CLTCL1: variants seen among roughly 807,000 people sequenced by gnomAD.
CLTCL1 encodes the protein clathrin heavy chain 2.
CLTCL1 carries 159 observed loss-of-function variants against 190.0 expected under a neutral mutation model. That is an observed-to-expected ratio of 0.84 (90% CI 0.74 to 0.95). The LOEUF (loss-of-function observed/expected upper bound fraction) is 0.95, where lower values mean the gene tolerates loss of function less well. Among genes scored for constraint, CLTCL1 ranks in the 40% least tolerant of loss-of-function variants. The probability of loss-of-function intolerance (pLI) is 0.00; values close to 1 mark genes in which losing one functional copy is unlikely to be tolerated. For synonymous variants in CLTCL1, 752 were observed against 769.6 expected, an observed-to-expected ratio of 0.98 and a Z score of 0.38; for missense variants, 1,878 against 2,033.4, an observed-to-expected ratio of 0.92 and a Z score of 1.47.
chr22:19,270,749 T>C (rs1161661864), intron 2 of CLTCL1, among the ~76,000 whole-genome samples: 4 of 128,794 alleles, frequency 3.1e-5, no homozygotes, highest in African/African-American at 1.2e-4. Context: ...AAAAAAAGAA[T>C]AAGTGAATGT....
In CLTCL1 at chr22:19,208,177, G is replaced by A. The variant is rs782698674; in HGVS notation, c.3577C>T (p.Pro1193Ser). 4 of 1,613,832 alleles carry A rather than the reference G, an allele frequency of 2.5e-6. No homozygotes were observed. The highest frequency in any genetic ancestry group is 1.1e-5 in the South Asian group (1 of 91,068). ...VSELEDFING[P>S]NNAHIQQVGD... Reference sequence around the variant, plus strand: ...ACCTGCTGGATGTGGGCATTGTTGGGTCCATTAATAAAATCTTCTAGCTCA... The same window carrying A: ...ACCTGCTGGATGTGGGCATTGTTGGATCCATTAATAAAATCTTCTAGCTCA... The change falls in exon 22 of 33, where the codon CCC (proline) becomes TCC (serine). Residue 1193 changes from proline to serine, a missense_variant. By Grantham distance (74) the Pro-to-Ser change is moderately conservative. Transcript: ENST00000427926.
At chr22:19,205,104 C>T (rs569708348) in intron 22 of CLTCL1, among the ~76,000 whole-genome samples, 167 of 144,552 alleles carry the variant, frequency 1.2e-3, no homozygotes, top group African/African-American at 4.1e-3. Flanking sequence ...AAAAAAAAAA[C>T]TTTGCAAACA....
intron 3 of CLTCL1, among the ~76,000 whole-genome samples, chr22:19,248,815 A>T (rs912163078): frequency 6.6e-6 from 1 of 152,122 alleles, no homozygotes; most frequent in African/African-American, 2.4e-5. Flanking sequence ...CCTCCCTCCC[A>T]AAGTGCTGGG....
At chr22:19,186,940 A>G (rs1555928592) in intron 29 of CLTCL1, among the ~76,000 whole-genome samples, 1 of 99,478 alleles carries the variant, frequency 1.0e-5, no homozygotes, top group Non-Finnish European at 1.8e-5. Context: ...AATTCCTCAA[A>G]TCTTTTTTTT....
intron 29 of CLTCL1, chr22:19,184,282 C>T: frequency 2.9e-6 from 1 of 349,230 alleles, no homozygotes; most frequent in South Asian, 2.1e-5. Context: ...AGTCACTTGC[C>T]CAGGGCCACT....
chr22:19,196,056 G>C (rs944005254), intron 26 of CLTCL1, among the ~76,000 whole-genome samples: 1 of 152,168 alleles, frequency 6.6e-6, no homozygotes, highest in African/African-American at 2.4e-5. Flanking sequence ...TGCATCGCTA[G>C]ACGGGTCACC....
chr22:19,191,011 C>T (rs1423796071), intron 27 of CLTCL1, among the ~76,000 whole-genome samples: 7 of 152,064 alleles, frequency 4.6e-5, no homozygotes, highest in African/African-American at 1.2e-4. Flanking sequence ...CTCCTGACCT[C>T]GTGATCCGCC....
intron 5 of CLTCL1, among the ~76,000 whole-genome samples, chr22:19,236,764 T>A (rs887281938): frequency 6.6e-6 from 1 of 152,086 alleles, no homozygotes; most frequent in Admixed American, 6.6e-5. Context: ...CTGGGCAACG[T>A]AGCAAGACTC....
intron 15 of CLTCL1, 114 bp from the exon 16 acceptor site, chr22:19,222,207 G>T: frequency 9.6e-7 from 1 of 1,040,096 alleles, no homozygotes; most frequent in Non-Finnish European, 1.4e-6. Flanking sequence ...GTTTAGCACT[G>T]CGCTGTGTCC....
At position 19,187,693 on chromosome 22, in the gene CLTCL1, A is replaced by G. The variant is rs1437776537; in HGVS notation, c.4470T>C (p.Phe1490=). The G allele has an allele frequency of 6.2e-7, 1 of 1,613,734 alleles. No individual in the cohort carries two copies. The highest frequency in any genetic ancestry group is 1.7e-5 in the Admixed American group (1 of 59,998). Residue 1490 remains phenylalanine (F), a synonymous_variant, in exon 29 of 33, where the codon TTT becomes TTC. Transcript: ENST00000427926. The part of the protein sequence containing the change: ...LRASIDAYDN[F]DNISLAQQLE... ...GCTGCTGAGCCAGGCTGATGTTGTCAAAGTTGTCATAGGCATCGATAGATG... is the reference window on the plus strand; with the variant it reads ...GCTGCTGAGCCAGGCTGATGTTGTCGAAGTTGTCATAGGCATCGATAGATG...
At chr22:19,273,750 G>T (rs2087402056) in intron 2 of CLTCL1, among the ~76,000 whole-genome samples, 1 of 151,992 alleles carries the variant, frequency 6.6e-6, no homozygotes, top group Non-Finnish European at 1.5e-5. Flanking sequence ...CCCACTTGCT[G>T]CCAACATCCA....
chr22:19,249,650 C>T (rs772752195), intron 3 of CLTCL1, among the ~76,000 whole-genome samples: 7 of 151,508 alleles, frequency 4.6e-5, no homozygotes, highest in Non-Finnish European at 1.0e-4. Flanking sequence ...GAGCCGAGAT[C>T]GCACCATTGC....
chr22:19,193,452 A>G lies in CLTCL1; in HGVS notation c.4192-2017T>C, dbSNP rs756143318. 8.2e-4 allele frequency among the ~76,000 whole-genome samples: 124 copies of G among 152,114 alleles called. 1 individual carries two copies. The highest frequency in any genetic ancestry group is 1.5e-3 in the Non-Finnish European group (99 of 68,032). On this transcript the variant is annotated intron_variant, in intron 26 of 32. Coordinates refer to ENST00000427926, the MANE Select transcript of CLTCL1 (RefSeq NM_007098.4). ...GTCCTCCAGATCCAAGCTGAAAGAC[A>G]GGATGGGGTGAGTCCACTAGCCACG...
intron 19 of CLTCL1, among the ~76,000 whole-genome samples, chr22:19,211,713 G>A (rs1555946847): frequency 1.3e-5 from 2 of 150,288 alleles, no homozygotes; most frequent in African/African-American, 2.5e-5. Flanking sequence ...GTTGCAGTGA[G>A]CTGAGATTGC....
chr22:19,196,709 C>T, intron 24 of CLTCL1, 53 bp from the exon 25 acceptor site: 1 of 1,566,964 alleles, frequency 6.4e-7, no homozygotes, highest in Non-Finnish European at 8.7e-7. Flanking sequence ...CCTCCTGCAG[C>T]CACCCTCCAG....
chr22:19,199,691 C>T, intron 24 of CLTCL1, 43 bp downstream of exon 24: 3 of 1,455,856 alleles, frequency 2.1e-6, no homozygotes, highest in Non-Finnish European at 2.8e-6. Context: ...AGTGTTTAGG[C>T]ATCACTTGTC....
intron 22 of CLTCL1, among the ~76,000 whole-genome samples, chr22:19,202,404 G>A (rs1555940260): frequency 4.1e-5 from 6 of 145,702 alleles, no homozygotes; most frequent in Admixed American, 6.9e-5. Flanking sequence ...CCCTCCTTCC[G>A]CCATCCACGG....
chr22:19,277,661 G>T (rs2087563480), intron 1 of CLTCL1, among the ~76,000 whole-genome samples: 1 of 152,156 alleles, frequency 6.6e-6, no homozygotes, highest in African/African-American at 2.4e-5. Flanking sequence ...ATAATGCTAG[G>T]AGTGGTTTAT....
At chr22:19,286,651 A>T (rs1295203998) in intron 1 of CLTCL1, among the ~76,000 whole-genome samples, 1 of 144,102 alleles carries the variant, frequency 6.9e-6, no homozygotes, top group Non-Finnish European at 1.5e-5. Context: ...TTTTCAGTTC[A>T]AGCTCAATCT....
Sources: allele counts gnomAD v4.1 joint callset (sites outside exome capture counted in the v4.1 genomes callset), GRCh38; gene constraint gnomAD v4.1.1; transcripts MANE v1.5; gene names NCBI Gene and HGNC (gene_info 2026-07-23, HGNC 2026-07-21).